The following SECTM1 variants were observed in gnomAD, a reference collection of about 807,000 sequenced individuals.
The protein encoded by SECTM1 is secreted and transmembrane protein 1.
Under a neutral mutation model 18.1 loss-of-function variants are expected in SECTM1, and 10 were observed. The observed-to-expected ratio is 0.55, with a 90% CI of 0.34 to 0.94. SECTM1 has a LOEUF of 0.94. Ranked by LOEUF, SECTM1 falls within the 40% of genes least tolerant of loss-of-function variation. The probability of loss-of-function intolerance (pLI) is 0.02; values close to 1 mark genes in which losing one functional copy is unlikely to be tolerated. For synonymous variants in SECTM1, 137 were observed against 139.2 expected, an observed-to-expected ratio of 0.98 and a Z score of 0.11; for missense variants, 297 against 322.6, an observed-to-expected ratio of 0.92 and a Z score of 0.61.
Position 82,322,084 on chromosome 17 carries a change from A to T in SECTM1, c.*77T>A. ...CCGGTGTCTGTGCCCTCCGGGTGGG[A>T]CGAGAGACCCAGGCCCCGCCACCCA... On this transcript the variant is annotated 3_prime_UTR_variant, in exon 5 of 5. Transcript: ENST00000269389. 6.9e-7 allele frequency: 1 copy of T among 1,446,558 alleles called. No individual in the cohort carries two copies. Among genetic ancestry groups the T allele is most frequent in the Non-Finnish European group, 9.7e-7 (1 of 1,035,738 alleles). 89.6% of individuals were successfully genotyped at this position (1,446,558 alleles called of 1,614,324 possible). A position where few individuals can be genotyped will look rare whatever the true frequency, so the allele number is the denominator to read the frequency against.
rs751469225 is a variant in SECTM1 at position 82,330,683 on chromosome 17, G to A, written c.-53+3017C>T. ...ATTCCATGGGGCCAGCAGCTCGGTGGAGCCTCTGCTCTCGGGGGCTACAGC... is the reference window on the plus strand; with the variant it reads ...ATTCCATGGGGCCAGCAGCTCGGTGAAGCCTCTGCTCTCGGGGGCTACAGC... On this transcript the variant is annotated intron_variant, in intron 1 of 4. Transcript: ENST00000269389. This position sits in a 1 kb window ranked among gnomAD's most constrained non-coding sequence, Gnocchi z 6.1. Among the ~76,000 whole-genome samples the A allele has an allele frequency of 6.6e-6, 1 of 151,992 alleles. No homozygotes were observed. Among genetic ancestry groups the A allele is most frequent in the Non-Finnish European group, 1.5e-5 (1 of 67,982 alleles).
At chr17:82,322,852 A>T in intron 4 of SECTM1, 26 bp downstream of exon 4, 2 of 1,611,914 alleles carry the variant, frequency 1.2e-6, no homozygotes, top group Non-Finnish European at 1.7e-6. Context: ...CCCACCCCGC[A>T]CAAACTGGGG....
At chr17:82,333,772 C>T (rs1223391126), upstream of SECTM1, 1 of 152,566 alleles carries the variant, frequency 6.6e-6, no homozygotes, top group Non-Finnish European at 1.5e-5. Flanking sequence ...AAATGAAAGA[C>T]ACGAGAGGGA....
Position 82,329,724 on chromosome 17 carries a change from C to T in SECTM1, c.-52-2432G>A, listed in dbSNP as rs918197651. Among the ~76,000 whole-genome samples the T allele has an allele frequency of 2.0e-5, 3 of 152,060 alleles. No homozygotes were observed. The highest frequency in any genetic ancestry group is 2.9e-5 in the Non-Finnish European group (2 of 67,980). On this transcript the variant is annotated intron_variant, in intron 1 of 4. Transcript: ENST00000269389. The surrounding 1 kb of genome is among the most constrained non-coding windows in gnomAD (Gnocchi z 7.6). ...GGTGGTCCCTTCTGGAGGCTCCAGG[C>T]GGAATCTGTCCCTCTCCGTCTCCAG...
rs1460516841 is a variant in SECTM1, at chr17:82,330,787, A to T, written c.-53+2913T>A. On this transcript the variant is annotated intron_variant, in intron 1 of 4. Coordinates refer to ENST00000269389, the MANE Select transcript of SECTM1 (RefSeq NM_003004.3). This position sits in a 1 kb window ranked among gnomAD's most constrained non-coding sequence, Gnocchi z 6.1. ...CCTCCCTGCCGATTGCTTCCTGAAG[A>T]CCTGGGGCCCTGGGCTGCAGTGGTT... Among the ~76,000 whole-genome samples the T allele has an allele frequency of 6.6e-6, 1 of 151,780 alleles. No homozygotes were observed. The highest frequency in any genetic ancestry group is 2.4e-5 in the African/African-American group (1 of 41,274).
chr17:82,330,002 G>A lies in SECTM1; in HGVS notation c.-52-2710C>T, dbSNP rs781493022. On this transcript the variant is annotated intron_variant, in intron 1 of 4. Coordinates refer to ENST00000269389, the MANE Select transcript of SECTM1 (RefSeq NM_003004.3). The surrounding 1 kb of genome is among the most constrained non-coding windows in gnomAD (Gnocchi z 6.1). ...TGAGGACGTGACATCTTTGGGGACT[G>A]GTAGCCGACCACAGAACCCCCACCC... Among the ~76,000 whole-genome samples the A allele has an allele frequency of 2.0e-5, 3 of 152,166 alleles. No individual in the cohort carries two copies. Among genetic ancestry groups the A allele is most frequent in the Non-Finnish European group, 4.4e-5 (3 of 68,022 alleles).
At position 82,324,572 on chromosome 17, in the gene SECTM1, C is replaced by G; in HGVS notation, c.403+10G>C. ...TCCCCTCCCCCTTGCTTCCCCGAGC[C>G]TCCCCTCACCTGAAACCTCCAGCGT... On this transcript the variant is annotated intron_variant, in intron 3 of 4. Transcript: ENST00000269389. The G allele has an allele frequency of 6.3e-7, 1 of 1,589,898 alleles. No individual in the cohort carries two copies. Among genetic ancestry groups the G allele is most frequent in the Non-Finnish European group, 8.6e-7 (1 of 1,163,176 alleles).
At chr17:82,331,861 C>T (rs1350266827) in intron 1 of SECTM1, among the ~76,000 whole-genome samples, 4 of 152,220 alleles carry the variant, frequency 2.6e-5, no homozygotes, top group South Asian at 2.1e-4. Flanking sequence ...TAGAGTGGGC[C>T]GGGCGCGGTG....
rs181185653 is a variant in SECTM1, at chr17:82,330,303, G to A, written c.-52-3011C>T. ...CTCTGGGGAGTCCTGCCCTCACCTG[G>A]AGCCTGGAGGCCATCTGAGTCTGTT... On this transcript the variant is annotated intron_variant, in intron 1 of 4. Transcript: ENST00000269389. This position sits in a 1 kb window ranked among gnomAD's most constrained non-coding sequence, Gnocchi z 6.1. 3.2e-3 allele frequency among the ~76,000 whole-genome samples: 484 copies of A among 152,284 alleles called. 10 individuals are homozygous for A. The highest frequency in any genetic ancestry group is 4.1e-3 in the Non-Finnish European group (279 of 67,992).
rs2052177619 is a variant in SECTM1, at chr17:82,329,828, TCTCCCTGA to T, written c.-52-2544_-52-2537del. On this transcript the variant is annotated intron_variant, in intron 1 of 4. Transcript: ENST00000269389. The surrounding 1 kb of genome is among the most constrained non-coding windows in gnomAD (Gnocchi z 7.6). ...CACTGCCCCCCAGCTGCTTCCCTCA[TCTCCCTGA>T]CTCCCCCTCCTCTCTCCCTCTCCTG... Among the ~76,000 whole-genome samples, 1 of 151,662 alleles carries T rather than the reference TCTCCCTGA, an allele frequency of 6.6e-6. No individual in the cohort carries two copies. The highest frequency in any genetic ancestry group is 1.5e-5 in the Non-Finnish European group (1 of 67,886).
chr17:82,332,385 C>T (rs1416257373), intron 1 of SECTM1, among the ~76,000 whole-genome samples: 1 of 152,200 alleles, frequency 6.6e-6, no homozygotes. Flanking sequence ...CCTGGTGCCC[C>T]GGGCGCCTGC....
Position 82,329,140 on chromosome 17 carries a change from G to C in SECTM1, c.-52-1848C>G, listed in dbSNP as rs576192019. On this transcript the variant is annotated intron_variant, in intron 1 of 4. Transcript: ENST00000269389. The surrounding 1 kb of genome is among the most constrained non-coding windows in gnomAD (Gnocchi z 7.6). The stretch of plus-strand genomic sequence containing the variant: ...CCTGCTGAGGACCTGGCTTGCAGAC[G>C]GGCTCCGGCCTTCTCGTCCCATTGC... 6.6e-6 allele frequency: 1 copy of C among 152,006 alleles called. No homozygotes were observed. Among genetic ancestry groups the C allele is most frequent in the Non-Finnish European group, 1.5e-5 (1 of 68,080 alleles). 9.4% of individuals were successfully genotyped at this position (152,006 alleles called of 1,614,324 possible).
Position 82,324,756 on chromosome 17 carries a change from T to C in SECTM1, c.229A>G (p.Ile77Val), listed in dbSNP as rs781548566. ...TAGCCTGGAGCCACCTCATTGAAGATGGCGCTCTCCTGCCCGTGGGCACGC... is the reference window on the plus strand; with the variant it reads ...TAGCCTGGAGCCACCTCATTGAAGACGGCGCTCTCCTGCCCGTGGGCACGC... ...KLRAHGQESA[I>V]FNEVAPGYFS... The change falls in exon 3 of 5, where the codon ATC becomes GTC. Residue 77 changes from isoleucine to valine, a missense_variant. Ile to Val is a conservative substitution (Grantham distance 29). Transcript: ENST00000269389. The C allele has an allele frequency of 6.2e-7, 1 of 1,614,114 alleles. No homozygotes were observed. Among genetic ancestry groups the C allele is most frequent in the Admixed American group, 1.7e-5 (1 of 60,024 alleles).
chr17:82,324,521 CCTCCCCTCCCCGTGTCCCCTCT>C, intron 3 of SECTM1, 39 bp downstream of exon 3: 2 of 617,382 alleles, frequency 3.2e-6, no homozygotes, highest in Non-Finnish European at 5.0e-6. Flanking sequence ...GCCCAGGCCC[CCTCCCCTCCCCGTGTCCCCTCT>C]CACTCCCCTC....
intron 1 of SECTM1, among the ~76,000 whole-genome samples, chr17:82,332,258 G>C (rs955049038): frequency 3.3e-5 from 5 of 152,226 alleles, no homozygotes; most frequent in African/African-American, 1.2e-4. Flanking sequence ...CACCAGACAC[G>C]GCAGGGTCTG....
At position 82,330,009 on chromosome 17, in the gene SECTM1, G is replaced by A. The variant is rs147708042; in HGVS notation, c.-52-2717C>T. Among the ~76,000 whole-genome samples the A allele has an allele frequency of 3.2e-3, 487 of 152,256 alleles. 9 individuals are homozygous for A. The highest frequency in any genetic ancestry group is 4.1e-3 in the Non-Finnish European group (281 of 67,988). ...GTGACATCTTTGGGGACTGGTAGCCGACCACAGAACCCCCACCCCCAGTGC... is the reference window on the plus strand; with the variant it reads ...GTGACATCTTTGGGGACTGGTAGCCAACCACAGAACCCCCACCCCCAGTGC... On this transcript the variant is annotated intron_variant, in intron 1 of 4. Transcript: ENST00000269389. The surrounding 1 kb of genome is among the most constrained non-coding windows in gnomAD (Gnocchi z 6.1).
In SECTM1 at chr17:82,325,767, T is replaced by TCCCTGC. The variant is rs2052140258; in HGVS notation, c.95-883_95-878dup. Among the ~76,000 whole-genome samples the TCCCTGC allele has an allele frequency of 1.3e-5, 2 of 152,170 alleles. No individual in the cohort carries two copies. Among genetic ancestry groups the TCCCTGC allele is most frequent in the Non-Finnish European group, 2.9e-5 (2 of 68,028 alleles). ...GCCTGAGGTCTTGGTGCTGCTACTGTCCCTGCTGCGTCAGCGTCCACCAGT... is the reference window on the plus strand; with the variant it reads ...GCCTGAGGTCTTGGTGCTGCTACTGTCCCTGCCCCTGCTGCGTCAGCGTCCACCAGT... On this transcript the variant is annotated intron_variant, in intron 2 of 4. Coordinates refer to ENST00000269389, the MANE Select transcript of SECTM1 (RefSeq NM_003004.3). The surrounding 1 kb of genome is among the most constrained non-coding windows in gnomAD (Gnocchi z 7.6).
Position 82,322,111 on chromosome 17 carries a change from G to A in SECTM1, c.*50C>T. 1.3e-6 allele frequency: 2 copies of A among 1,589,330 alleles called. No homozygotes were observed. Among genetic ancestry groups the A allele is most frequent in the Non-Finnish European group, 1.7e-6 (2 of 1,159,068 alleles). On this transcript the variant is annotated 3_prime_UTR_variant, in exon 5 of 5. Coordinates refer to ENST00000269389, the MANE Select transcript of SECTM1 (RefSeq NM_003004.3). ...GAGAGACCCAGGCCCCGCCACCCAA[G>A]GTCGGCACTCAGGGCTGGCTCTCCT...
At position 82,326,848 on chromosome 17, in the gene SECTM1, GTCCT is replaced by G. The variant is rs2052149950; in HGVS notation, c.94+295_94+298del. Among the ~76,000 whole-genome samples the G allele has an allele frequency of 6.8e-6, 1 of 147,668 alleles. No homozygotes were observed. The highest frequency in any genetic ancestry group is 6.7e-5 in the Admixed American group (1 of 14,932). The stretch of plus-strand genomic sequence containing the variant: ...CCCTTGGAAACTGGTCGTGATCTTG[GTCCT>G]TCCCCACAATTGCTCTGACAGTGAC... On this transcript the variant is annotated intron_variant, in intron 2 of 4. Transcript: ENST00000269389. This position sits in a 1 kb window ranked among gnomAD's most constrained non-coding sequence, Gnocchi z 4.3.
Sources: gnomAD v4.1 joint callset for allele counts (sites outside exome capture counted in the v4.1 genomes callset) on GRCh38, gnomAD v4.1.1 for gene constraint, Gnocchi (gnomAD v3.1) non-coding constraint, MANE v1.5 for transcripts, NCBI Gene and HGNC (gene_info 2026-07-23, HGNC 2026-07-21) for gene names.